The following ZNF750 variants were observed in gnomAD, a reference collection of about 807,000 sequenced individuals.
The protein encoded by ZNF750 is protein ZNF750.
In ZNF750, 10 loss-of-function variants were observed where a neutral mutation model predicts 31.6. The observed-to-expected ratio is 0.32, with a 90% CI of 0.19 to 0.54. The LOEUF is 0.54. ZNF750 is among the 20% of genes least tolerant of loss of function. The probability of loss-of-function intolerance (pLI) is 0.95; values close to 1 mark genes in which losing one functional copy is unlikely to be tolerated. For synonymous variants in ZNF750, 400 were observed against 404.9 expected (o/e 0.99, Z 0.15); for missense variants, 914 against 934.9 (o/e 0.98, Z 0.29).
chr17:82,839,199 CT>C, intron 1 of ZNF750, among the ~76,000 whole-genome samples: 1 of 152,306 alleles, frequency 6.6e-6, no homozygotes, highest in East Asian at 1.9e-4. Context: ...TCGGCACTGT[CT>C]AATGTGCATA....
At position 82,830,007 on chromosome 17, in the gene ZNF750, GT is replaced by G; in HGVS notation, c.*134del. On this transcript the variant is annotated 3_prime_UTR_variant, in exon 3 of 3. Transcript: ENST00000269394. ...GAATTGGAGGGTTTTTTGTTTGTTT[GT>G]TTGTTTGTTTTTTTGAGAAGCAGCA... 3 of 1,390,972 alleles carry G rather than the reference GT, an allele frequency of 2.2e-6. No individual in the cohort carries two copies. The highest frequency in any genetic ancestry group is 2.9e-6 in the Non-Finnish European group (3 of 1,019,348). The allele number at this position is 1,390,972 out of a possible 1,614,324, so 86.2% of individuals were successfully genotyped here.
chr17:82,833,685 C>G lies in ZNF750; in HGVS notation c.-182-1049G>C, dbSNP rs571373367. Among the ~76,000 whole-genome samples the G allele has an allele frequency of 6.6e-6, 1 of 152,132 alleles. No homozygotes were observed. The highest frequency in any genetic ancestry group is 1.9e-4 in the East Asian group (1 of 5,178). ...ACCAAAGCTTTGCCACACTCCTGCC[C>G]GAGAGGAGACCAGAGTGAGTAGTAT... On this transcript the variant is annotated intron_variant, in intron 1 of 2. Transcript: ENST00000269394. The surrounding 1 kb of genome is among the most constrained non-coding windows in gnomAD (Gnocchi z 4.7).
chr17:82,832,238 G>C lies in ZNF750; in HGVS notation c.217C>G (p.Pro73Ala). 6.2e-7 allele frequency: 1 copy of C among 1,614,208 alleles called. No homozygotes were observed. The highest frequency in any genetic ancestry group is 1.3e-5 in the African/African-American group (1 of 75,052). The change falls in exon 2 of 3, where the codon CCC (proline) becomes GCC (alanine). Residue 73 changes from proline (P) to alanine (A), a missense_variant. By Grantham distance (27) the Pro-to-Ala change is conservative. Around this residue, in one of 2 missense-constraint regions of ZNF750, gnomAD observed 880 missense variants for 868.9 expected, o/e 1.01. Coordinates refer to ENST00000269394, the MANE Select transcript of ZNF750 (RefSeq NM_024702.3). This position sits in a 1 kb window ranked among gnomAD's most constrained non-coding sequence, Gnocchi z 4.9. ...PKCPKSNSLD[P>A]KQTNQPDATA... ...GCATCGGGCTGGTTGGTTTGCTTGG[G>C]GTCTAGTGAGTTAGATTTAGGGCAC...
intron 1 of ZNF750, among the ~76,000 whole-genome samples, chr17:82,836,264 G>T (rs1011197776): frequency 1.3e-5 from 2 of 152,226 alleles, no homozygotes; most frequent in African/African-American, 4.8e-5. Flanking sequence ...GGCCTGTGCC[G>T]GCATGCCTCG....
intron 2 of ZNF750, 44 bp from the exon 3 acceptor site, chr17:82,830,921 A>G: frequency 6.2e-7 from 1 of 1,613,152 alleles, no homozygotes; most frequent in East Asian, 2.2e-5. Context: ...TTGCTTAGAA[A>G]AGCAACTGCG....
In ZNF750 at chr17:82,830,673, C is replaced by T; in HGVS notation, c.1641G>A (p.Gln547=). The T allele has an allele frequency of 1.9e-6, 3 of 1,614,124 alleles. No homozygotes were observed. Among genetic ancestry groups the T allele is most frequent in the Non-Finnish European group, 2.5e-6 (3 of 1,180,022 alleles). ...QAETASFSEL[Q]DLPLNLSVKD... is the part of the protein sequence containing the mutation. ...TCACCGAGAGATTGAGTGGAAGGTC[C>T]TGCAGCTCTGAGAAGCTGGCGGTTT... Residue 547 remains glutamine, a synonymous_variant, in exon 3 of 3, where the codon CAG becomes CAA. Transcript: ENST00000269394.
chr17:82,836,399 G>A (rs1444503488), intron 1 of ZNF750, among the ~76,000 whole-genome samples: 3 of 152,234 alleles, frequency 2.0e-5, no homozygotes, highest in Non-Finnish European at 4.4e-5. Flanking sequence ...CATCAGGATC[G>A]AAACGATGAC....
Position 82,830,567 on chromosome 17 carries a change from G to C in ZNF750, c.1747C>G (p.Gln583Glu). Residue 583 changes from glutamine to glutamate, a missense_variant, in exon 3 of 3, where the codon CAG becomes GAG. Physicochemically the swap from Gln to Glu is conservative, Grantham distance 29. Around this residue, in one of 2 missense-constraint regions of ZNF750, gnomAD observed 880 missense variants for 868.9 expected, o/e 1.01. Coordinates refer to ENST00000269394, the MANE Select transcript of ZNF750 (RefSeq NM_024702.3). ...TCAGAACCTTCTGTCCCAGTCTTCTGTGGAACAGCAGCAGCAGGTTCTGCA... is the reference window on the plus strand; with the variant it reads ...TCAGAACCTTCTGTCCCAGTCTTCTCTGGAACAGCAGCAGCAGGTTCTGCA... Reference protein sequence around the residue: ...RAAEPAAAVPQKTGTEGSEDG... With the variant: ...RAAEPAAAVPEKTGTEGSEDG... 6.2e-7 allele frequency: 1 copy of C among 1,614,096 alleles called. No individual in the cohort carries two copies. Among genetic ancestry groups the C allele is most frequent in the Non-Finnish European group, 8.5e-7 (1 of 1,179,986 alleles).
At chr17:82,838,919 C>G in intron 1 of ZNF750, 4 of 985,394 alleles carry the variant, frequency 4.1e-6, no homozygotes, top group Non-Finnish European at 4.8e-6. Context: ...TGCTAATGCG[C>G]AGTGAAAATT....
rs1170817247 is a variant in ZNF750 at position 82,833,849 on chromosome 17, G to C, written c.-182-1213C>G. On this transcript the variant is annotated intron_variant, in intron 1 of 2. Coordinates refer to ENST00000269394, the MANE Select transcript of ZNF750 (RefSeq NM_024702.3). This position sits in a 1 kb window ranked among gnomAD's most constrained non-coding sequence, Gnocchi z 4.7. ...GTGTGTGTGATGTCAGAGCTGGCCT[G>C]CTCTTTTGGATTCTTCCAGAGGGTC... Among the ~76,000 whole-genome samples, 2 of 152,202 alleles carry C rather than the reference G, an allele frequency of 1.3e-5. No homozygotes were observed. Among genetic ancestry groups the C allele is most frequent in the African/African-American group, 4.8e-5 (2 of 41,442 alleles).
intron 1 of ZNF750, among the ~76,000 whole-genome samples, chr17:82,838,309 G>A (rs1345806874): frequency 6.6e-6 from 1 of 150,546 alleles, no homozygotes. Flanking sequence ...TTTGAACTTT[G>A]AAAAATAGAC....
chr17:82,831,879 C>A lies in ZNF750; in HGVS notation c.576G>T (p.Val192=). 1 of 1,614,192 alleles carries A rather than the reference C, an allele frequency of 6.2e-7. No homozygotes were observed. Among genetic ancestry groups the A allele is most frequent in the Non-Finnish European group, 8.5e-7 (1 of 1,180,032 alleles). The change falls in exon 2 of 3, where the codon GTG becomes GTT. Residue 192 remains valine, a synonymous_variant. Transcript: ENST00000269394. This position sits in a 1 kb window ranked among gnomAD's most constrained non-coding sequence, Gnocchi z 4.6. ...GGAAGGCCGACTTGGTGTGGAAAGA[C>A]ACGGCCTTGGCAGTGGGGTTGTGTA... is the stretch of plus-strand genomic sequence containing the variant. ...LALHNPTAKA[V]SFHTKSAFHT...
rs769086683 is a variant in ZNF750, at chr17:82,832,630, C to G, written c.-176G>C. The stretch of plus-strand genomic sequence containing the variant: ...GGCGAGAGCCTCCGTCATCTGGCGG[C>G]TGGGAGCTGTAATAAAGAGCAGTCT... On this transcript the variant is annotated 5_prime_UTR_variant, in exon 2 of 3. Coordinates refer to ENST00000269394, the MANE Select transcript of ZNF750 (RefSeq NM_024702.3). This position sits in a 1 kb window ranked among gnomAD's most constrained non-coding sequence, Gnocchi z 4.9. The G allele has an allele frequency of 1.5e-6, 1 of 657,458 alleles. No individual in the cohort carries two copies. The highest frequency in any genetic ancestry group is 2.7e-5 in the East Asian group (1 of 36,798). 40.7% of individuals were successfully genotyped at this position (657,458 alleles called of 1,614,324 possible).
At position 82,835,229 on chromosome 17, in the gene ZNF750, G is replaced by T. The variant is rs2053866145; in HGVS notation, c.-182-2593C>A. On this transcript the variant is annotated intron_variant, in intron 1 of 2. Coordinates refer to ENST00000269394, the MANE Select transcript of ZNF750 (RefSeq NM_024702.3). This position sits in a 1 kb window ranked among gnomAD's most constrained non-coding sequence, Gnocchi z 4.5. ...AGCCGCCCCTTGAAAATAGAGCAACGTGTGTGGGAGCCTAGGAGGCAGCTG... is the reference window on the plus strand; with the variant it reads ...AGCCGCCCCTTGAAAATAGAGCAACTTGTGTGGGAGCCTAGGAGGCAGCTG... Among the ~76,000 whole-genome samples, 2 of 152,138 alleles carry T rather than the reference G, an allele frequency of 1.3e-5. No homozygotes were observed. Among genetic ancestry groups the T allele is most frequent in the Admixed American group, 6.6e-5 (1 of 15,266 alleles).
intron 1 of ZNF750, among the ~76,000 whole-genome samples, chr17:82,837,231 T>C (rs2054064634): frequency 6.6e-6 from 1 of 152,172 alleles, no homozygotes; most frequent in Admixed American, 6.5e-5. Flanking sequence ...TTTATAAGGA[T>C]GAAGAAACCA....
At chr17:82,830,929 G>T (rs1319831754) in intron 2 of ZNF750, 52 bp from the exon 3 acceptor site, 1 of 1,613,220 alleles carries the variant, frequency 6.2e-7, no homozygotes, top group Non-Finnish European at 8.5e-7. Flanking sequence ...AAAAGCAACT[G>T]CGTGAAGCAG....
chr17:82,834,970 G>C (rs1375854339), intron 1 of ZNF750, among the ~76,000 whole-genome samples: 1 of 152,154 alleles, frequency 6.6e-6, no homozygotes, highest in Non-Finnish European at 1.5e-5. Context: ...GGCCGAGGTG[G>C]GAGGATCCCT....
rs1237622719 is a variant in ZNF750, at chr17:82,835,688, G to T, written c.-182-3052C>A. On this transcript the variant is annotated intron_variant, in intron 1 of 2. Transcript: ENST00000269394. This position sits in a 1 kb window ranked among gnomAD's most constrained non-coding sequence, Gnocchi z 4.5. ...GATCTGCCCGCCTCAGCCTCCCAAA[G>T]TGCTGGGATTACAGGCATGAGCCAC... Among the ~76,000 whole-genome samples the T allele has an allele frequency of 6.6e-6, 1 of 152,128 alleles. No individual in the cohort carries two copies. Among genetic ancestry groups the T allele is most frequent in the Non-Finnish European group, 1.5e-5 (1 of 68,016 alleles).
chr17:82,838,532 T>C, intron 1 of ZNF750: 1 of 539,096 alleles, frequency 1.9e-6, no homozygotes, highest in Non-Finnish European at 2.4e-6. Flanking sequence ...AAGGGCATGC[T>C]GTAATTACAA....
Sources: gnomAD v4.1 joint callset for allele counts (sites outside exome capture counted in the v4.1 genomes callset) on GRCh38, gnomAD v4.1.1 for gene constraint, gnomAD v4.1.1 regional missense constraint, Gnocchi (gnomAD v3.1) non-coding constraint, MANE v1.5 for transcripts, NCBI Gene and HGNC (gene_info 2026-07-23, HGNC 2026-07-21) for gene names.